The following FAM178B variants were observed in gnomAD, a reference collection of about 807,000 sequenced individuals.
FAM178B encodes protein FAM178B.
In FAM178B, 82 loss-of-function variants were observed where a neutral mutation model predicts 91.7. The ratio of observed to expected loss-of-function variants is 0.89; its 90% CI spans 0.75 to 1.07. The LOEUF is 1.07. FAM178B is among the 50% of genes least tolerant of loss of function. The pLI, the probability that FAM178B is intolerant of heterozygous loss-of-function variation, is 0.00. For missense variants in FAM178B, 769 were observed against 846.7 expected (o/e 0.91, Z 1.14); for synonymous variants, 368 against 359.4 (o/e 1.02, Z -0.27).
Position 96,876,268 on chromosome 2 carries a change from C to G in FAM178B, c.*8G>C. ...CCAGGAGCCCTGGGCTGCCCTGACC[C>G]TGTCCCTTTAGATGTCTTTCCAGGG... On this transcript the variant is annotated 3_prime_UTR_variant, in exon 17 of 17. Transcript: ENST00000490605. 13 of 1,608,514 alleles carry G rather than the reference C, an allele frequency of 8.1e-6. No homozygotes were observed. The highest frequency in any genetic ancestry group is 1.1e-5 in the Non-Finnish European group (13 of 1,178,246).
intron 12 of FAM178B, among the ~76,000 whole-genome samples, chr2:96,903,465 T>G (rs2080973511): frequency 6.6e-6 from 1 of 152,224 alleles, no homozygotes. Flanking sequence ...TCACCCAGTA[T>G]CCACTGGGCT....
rs1273953141 is a variant in FAM178B at position 96,959,199 on chromosome 2, G to GGA, written c.887+1088_887+1089insTC. ...GGGTGACAGAGCGAGACTCAGTTTT[G>GGA]AAAAAAAAAAAAAAAAAAAAAAAAA... On this transcript the variant is annotated intron_variant, in intron 6 of 16. Coordinates refer to ENST00000490605, the MANE Select transcript of FAM178B (RefSeq NM_001122646.3). Among the ~76,000 whole-genome samples the GGA allele has an allele frequency of 2.4e-3, 199 of 82,126 alleles. 7 individuals are homozygous for GGA. The East Asian group carries it at 0.045, about 19-fold the overall frequency. The allele number at this position is 82,126 out of a possible 152,430, so 53.9% of individuals were successfully genotyped here.
intron 9 of FAM178B, among the ~76,000 whole-genome samples, chr2:96,926,876 C>G (rs1027666145): frequency 6.6e-6 from 1 of 152,224 alleles, no homozygotes; most frequent in African/African-American, 2.4e-5. Context: ...ATGTCTGAGG[C>G]CCTCATTTTG....
intron 16 of FAM178B, 34 bp downstream of exon 16, chr2:96,877,856 C>T: frequency 6.2e-7 from 1 of 1,603,894 alleles, no homozygotes; most frequent in South Asian, 1.1e-5. Flanking sequence ...CACTTCCCGC[C>T]CCTCCCAGGT....
At chr2:96,890,015 C>T (rs1480728876) in intron 14 of FAM178B, among the ~76,000 whole-genome samples, 1 of 151,142 alleles carries the variant, frequency 6.6e-6, no homozygotes, top group South Asian at 2.1e-4. Context: ...GTGGCTCACA[C>T]CTGTAATCCT....
At position 96,929,774 on chromosome 2, in the gene FAM178B, T is replaced by C. The variant is rs371907148; in HGVS notation, c.1079-454A>G. ...GCAGCCTCTGCAGCACTCTTGCTGC[T>C]GCAACATTTGGGCATCCCTAGTCCA... On this transcript the variant is annotated intron_variant, in intron 8 of 16. Transcript: ENST00000490605. Among the ~76,000 whole-genome samples the C allele has an allele frequency of 5.3e-5, 8 of 152,358 alleles. No individual in the cohort carries two copies. In the East Asian group the frequency reaches 9.6e-4, roughly 18 times the overall value.
intron 1 of FAM178B, among the ~76,000 whole-genome samples, chr2:96,973,738 C>T (rs1213433965): frequency 1.3e-5 from 2 of 152,152 alleles, no homozygotes; most frequent in Non-Finnish European, 2.9e-5. Context: ...CGGTGGCTCA[C>T]ATCTGTAATC....
chr2:96,918,624 C>G (rs1022491832), intron 12 of FAM178B, among the ~76,000 whole-genome samples: 4 of 152,102 alleles, frequency 2.6e-5, no homozygotes. Context: ...GAATTTATCT[C>G]ATAGAAATAT....
chr2:96,902,112 T>TTC (rs1462118879), intron 13 of FAM178B, among the ~76,000 whole-genome samples: 2 of 150,976 alleles, frequency 1.3e-5, no homozygotes, highest in African/African-American at 4.9e-5. Flanking sequence ...TACTACAATT[T>TTC]TTTTTTTTTT....
Position 96,971,975 on chromosome 2 carries a change from T to C in FAM178B, c.490A>G (p.Lys164Glu). 1 of 1,562,350 alleles carries C rather than the reference T, an allele frequency of 6.4e-7. No homozygotes were observed. Among genetic ancestry groups the C allele is most frequent in the Non-Finnish European group, 8.7e-7 (1 of 1,153,440 alleles). The change falls in exon 3 of 17, where the codon AAG (lysine) becomes GAG (glutamate). Residue 164 changes from lysine (K) to glutamate (E), a missense_variant. By Grantham distance (56) the Lys-to-Glu change is moderately conservative. Transcript: ENST00000490605. ...TTCTCTGGCAAGGCCAGGCCCCTCT[T>C]CGGGTCCAAGTCCAGGTGTTCCTGC... ...LEQEHLDLDP[K>E]RGLALPEKLF...
intron 8 of FAM178B, among the ~76,000 whole-genome samples, chr2:96,934,790 C>T (rs191371019): frequency 5.9e-5 from 9 of 152,278 alleles, no homozygotes; most frequent in East Asian, 5.8e-4. Context: ...TTCTTCTCTA[C>T]CCTGCAGCCA....
chr2:96,952,601 T>C (rs1433654931), intron 6 of FAM178B, among the ~76,000 whole-genome samples: 1 of 152,164 alleles, frequency 6.6e-6, no homozygotes, highest in Non-Finnish European at 1.5e-5. Flanking sequence ...AAATGTTTCA[T>C]ATGGTTGTAG....
At chr2:96,905,071 G>A (rs930411081) in intron 12 of FAM178B, among the ~76,000 whole-genome samples, 3 of 150,540 alleles carry the variant, frequency 2.0e-5, no homozygotes, top group South Asian at 4.3e-4. Context: ...AAATGCAAAT[G>A]GCAAACTTCA....
chr2:96,914,062 C>T (rs942259896), intron 12 of FAM178B, among the ~76,000 whole-genome samples: 6 of 152,212 alleles, frequency 3.9e-5, no homozygotes, highest in Admixed American at 1.3e-4. Context: ...ACTCAGCACC[C>T]GTGATATTCT....
chr2:96,920,915 G>GT (rs2081326615), intron 12 of FAM178B, among the ~76,000 whole-genome samples: 1 of 152,180 alleles, frequency 6.6e-6, no homozygotes, highest in African/African-American at 2.4e-5. Context: ...AGAAAGGAGA[G>GT]TGGGGGCCCT....
At chr2:96,974,660 A>G (rs1237689855) in intron 1 of FAM178B, among the ~76,000 whole-genome samples, 2 of 152,310 alleles carry the variant, frequency 1.3e-5, no homozygotes, top group Admixed American at 1.3e-4. Context: ...GCAAGTATGC[A>G]AAAAGATATT....
chr2:96,915,287 T>C (rs937225324), intron 12 of FAM178B, among the ~76,000 whole-genome samples: 10 of 151,682 alleles, frequency 6.6e-5, no homozygotes, highest in Non-Finnish European at 1.0e-4. Flanking sequence ...TTTTTTTTTT[T>C]TTCTATTTTT....
chr2:96,887,973 GCCTCCGCAGCTTAACTCT>G lies in FAM178B; in HGVS notation c.1776+5935_1776+5952del, dbSNP rs1424270634. Reference sequence around the variant, plus strand: ...AGCTTAACTCTCTCACTTCAAGCCTGCCTCCGCAGCTTAACTCTCTCACTTCAAGCCTGCTCGTACACT... The same window carrying G: ...AGCTTAACTCTCTCACTTCAAGCCTGCTCACTTCAAGCCTGCTCGTACACT... On this transcript the variant is annotated intron_variant, in intron 14 of 16. Coordinates refer to ENST00000490605, the MANE Select transcript of FAM178B (RefSeq NM_001122646.3). Among the ~76,000 whole-genome samples the G allele has an allele frequency of 1.9e-4, 29 of 152,364 alleles. 1 individual carries two copies. In the East Asian group the frequency reaches 2.7e-3, roughly 14 times the overall value.
At chr2:96,881,563 C>T (rs535085290) in intron 14 of FAM178B, among the ~76,000 whole-genome samples, 14 of 152,080 alleles carry the variant, frequency 9.2e-5, no homozygotes, top group Non-Finnish European at 1.6e-4. Context: ...TGGAGGAGGC[C>T]CGGCTGCAGA....
Sources: allele counts gnomAD v4.1 joint callset (sites outside exome capture counted in the v4.1 genomes callset), GRCh38; gene constraint gnomAD v4.1.1; transcripts MANE v1.5; gene names NCBI Gene and HGNC (gene_info 2026-07-23, HGNC 2026-07-21).